CHIC2: variants seen among roughly 807,000 people sequenced by gnomAD.
The protein encoded by CHIC2 is cysteine-rich hydrophobic domain-containing protein 2.
In CHIC2, 14 loss-of-function variants were observed where a neutral mutation model predicts 25.9. That is an observed-to-expected ratio of 0.54 (90% CI 0.36 to 0.85). CHIC2 has a LOEUF of 0.85. CHIC2 is among the 40% of genes least tolerant of loss of function. CHIC2 has a pLI of 0.01. For missense variants in CHIC2, 146 were observed against 202.0 expected (o/e 0.72, Z 1.68); for synonymous variants, 70 against 72.0 (o/e 0.97, Z 0.14).
At chr4:54,012,962 C>A (rs545373204) in intron 5 of CHIC2, among the ~76,000 whole-genome samples, 1 of 152,170 alleles carries the variant, frequency 6.6e-6, no homozygotes, top group Middle Eastern at 3.4e-3. Flanking sequence ...CACATACACA[C>A]GCACACATCT....
the CHIC2 span, among the ~76,000 whole-genome samples, chr4:54,084,959 C>CAAAAAAAAAAAAAAAAAAAAAACAAAAA: frequency 1.7e-5 from 1 of 58,924 alleles, no homozygotes; most frequent in African/African-American, 7.1e-5. Flanking sequence ...TGCTCTGTCT[C>CAAAAAAAAAAAAAAAAAAAAAACAAAAA]AAAAAAAAAA....
In CHIC2 at chr4:54,049,266, A is replaced by G. The variant is rs370699998; in HGVS notation, c.159T>C (p.Ser53=). The G allele has an allele frequency of 1.9e-6, 3 of 1,604,014 alleles. No individual in the cohort carries two copies. The African/African-American group carries it at 4.0e-5, about 21-fold the overall frequency. The change falls in exon 2 of 6, where the codon TCT becomes TCC. Residue 53 remains serine (S), a synonymous_variant. Coordinates refer to ENST00000263921, the MANE Select transcript of CHIC2 (RefSeq NM_012110.4). ...LSNKFESEFP[S]SLTGKVAPEE... is the part of the protein sequence containing the mutation. Reference sequence around the variant, plus strand: ...AGACACTCACTTTTCCAGTTAATGAAGAAGGGAATTCAGATTCAAATTTGT... The same window carrying G: ...AGACACTCACTTTTCCAGTTAATGAGGAAGGGAATTCAGATTCAAATTTGT...
the CHIC2 span, among the ~76,000 whole-genome samples, chr4:54,089,417 A>G: frequency 6.6e-6 from 1 of 151,154 alleles, no homozygotes; most frequent in Non-Finnish European, 1.5e-5. Context: ...ATATATATAC[A>G]CACACATATA....
At chr4:54,022,348 G>T (rs1323438816) in intron 3 of CHIC2, among the ~76,000 whole-genome samples, 2 of 152,024 alleles carry the variant, frequency 1.3e-5, no homozygotes, top group Admixed American at 6.6e-5. Context: ...TCTTACAGTG[G>T]AGGGTAAGTC....
intron 3 of CHIC2, among the ~76,000 whole-genome samples, chr4:54,022,914 T>C (rs1715945291): frequency 6.6e-6 from 1 of 152,186 alleles, no homozygotes; most frequent in Non-Finnish European, 1.5e-5. Flanking sequence ...GTCAAAAACC[T>C]GACAAGTCTT....
intron 3 of CHIC2, among the ~76,000 whole-genome samples, chr4:54,016,192 G>A (rs1424609790): frequency 6.6e-6 from 1 of 152,046 alleles, no homozygotes; most frequent in Non-Finnish European, 1.5e-5. Context: ...GTATAAAATA[G>A]TACCCAAAAG....
chr4:54,043,022 C>T (rs1716628626), intron 3 of CHIC2, among the ~76,000 whole-genome samples: 1 of 152,114 alleles, frequency 6.6e-6, no homozygotes, highest in Non-Finnish European at 1.5e-5. Context: ...AACAAAATTT[C>T]ATTTTTGGCT....
chr4:54,019,862 G>A (rs1318085822), intron 3 of CHIC2, among the ~76,000 whole-genome samples: 3 of 151,122 alleles, frequency 2.0e-5, no homozygotes, highest in Admixed American at 1.3e-4. Flanking sequence ...GGGTCTCCTT[G>A]AATTTGGGCA....
At chr4:54,086,185 T>C in the CHIC2 span, among the ~76,000 whole-genome samples, 1 of 152,010 alleles carries the variant, frequency 6.6e-6, no homozygotes, top group Non-Finnish European at 1.5e-5. Context: ...TTAGATCTCA[T>C]TCATTTTGAA....
chr4:54,064,628 G>A (rs1388932662), upstream of CHIC2: 3 of 1,091,760 alleles, frequency 2.7e-6, no homozygotes, highest in African/African-American at 4.9e-5. This position sits in a 1 kb window ranked among gnomAD's most constrained non-coding sequence, Gnocchi z 4.2. Flanking sequence ...CGAGCCACCC[G>A]CAGCGGGAGC....
At chr4:54,088,293 G>T in the CHIC2 span, among the ~76,000 whole-genome samples, 1 of 152,148 alleles carries the variant, frequency 6.6e-6, no homozygotes, top group African/African-American at 2.4e-5. Flanking sequence ...AAGGGTGGTC[G>T]TTTGTTTCAT....
chr4:54,071,195 T>C, the CHIC2 span, among the ~76,000 whole-genome samples: 13 of 152,210 alleles, frequency 8.5e-5, no homozygotes, highest in African/African-American at 3.1e-4. Flanking sequence ...AATGTGTATA[T>C]AGATTAAGCA....
intron 3 of CHIC2, among the ~76,000 whole-genome samples, chr4:54,045,362 A>T (rs1239353950): frequency 6.6e-6 from 1 of 152,198 alleles, no homozygotes; most frequent in Non-Finnish European, 1.5e-5. Context: ...AGAATTTTAG[A>T]CCAATATCCT....
the CHIC2 span, chr4:54,087,542 G>A: frequency 8.6e-7 from 1 of 1,158,286 alleles, no homozygotes; most frequent in Non-Finnish European, 1.2e-6. Flanking sequence ...GCCCCTGTAT[G>A]CAGAAATCCT....
At chr4:54,044,611 C>T (rs1716717752) in intron 3 of CHIC2, among the ~76,000 whole-genome samples, 1 of 151,954 alleles carries the variant, frequency 6.6e-6, no homozygotes, top group Non-Finnish European at 1.5e-5. Flanking sequence ...AGAACAAAGA[C>T]ACAACATACC....
intron 3 of CHIC2, among the ~76,000 whole-genome samples, chr4:54,024,320 T>C (rs1236028655): frequency 6.6e-6 from 1 of 152,158 alleles, no homozygotes; most frequent in East Asian, 1.9e-4. Context: ...CCACCACTCT[T>C]GCCTCCCTCT....
intron 3 of CHIC2, among the ~76,000 whole-genome samples, chr4:54,035,739 C>G (rs1419889738): frequency 6.6e-6 from 1 of 151,932 alleles, no homozygotes; most frequent in African/African-American, 2.4e-5. Flanking sequence ...TTTTTTCCCC[C>G]TCCTTACTTT....
the CHIC2 span, among the ~76,000 whole-genome samples, chr4:54,071,768 T>A: frequency 8.9e-5 from 13 of 145,686 alleles, no homozygotes; most frequent in Middle Eastern, 4.1e-3. Context: ...AGGTCAGGAG[T>A]TCGAGACCAG....
chr4:54,050,561 A>G (rs779909045), intron 1 of CHIC2, among the ~76,000 whole-genome samples: 8 of 152,148 alleles, frequency 5.3e-5, no homozygotes, highest in African/African-American at 1.9e-4. Context: ...CATGTGCCAC[A>G]TAACAACGTT....
Sources: gnomAD v4.1 joint callset for allele counts (sites outside exome capture counted in the v4.1 genomes callset) on GRCh38, gnomAD v4.1.1 for gene constraint, Gnocchi (gnomAD v3.1) non-coding constraint, MANE v1.5 for transcripts, NCBI Gene and HGNC (gene_info 2026-07-23, HGNC 2026-07-21) for gene names.